Variants in CWC22 observed in about 807,000 individuals in gnomAD.
The protein encoded by CWC22 is pre-mRNA-splicing factor CWC22 homolog.
CWC22 carries 53 observed loss-of-function variants against 117.2 expected under a neutral mutation model. The ratio of observed to expected loss-of-function variants is 0.45; its 90% CI spans 0.36 to 0.57. CWC22 has a LOEUF of 0.57. CWC22 is among the 20% of genes least tolerant of loss of function. CWC22 has a pLI of 0.00. For missense variants in CWC22, 980 were observed against 1,068.8 expected (o/e 0.92, Z 1.16); for synonymous variants, 360 against 355.6 (o/e 1.01, Z -0.14).
intron 1 of CWC22, among the ~76,000 whole-genome samples, chr2:180,006,644 G>T (rs1687984274): frequency 6.6e-6 from 1 of 152,168 alleles, no homozygotes; most frequent in Non-Finnish European, 1.5e-5. Flanking sequence ...TAATCAACTA[G>T]ATCTCATTAA....
intron 6 of CWC22, among the ~76,000 whole-genome samples, chr2:179,974,788 G>A (rs1261810170): frequency 2.6e-5 from 4 of 152,266 alleles, no homozygotes; most frequent in Non-Finnish European, 1.5e-5. Flanking sequence ...GTCTCACTCT[G>A]TCACCCAGGC....
At chr2:179,979,295 C>A (rs1220907549) in intron 5 of CWC22, among the ~76,000 whole-genome samples, 1 of 151,856 alleles carries the variant, frequency 6.6e-6, no homozygotes, top group Non-Finnish European at 1.5e-5. Context: ...CAAGAACTGG[C>A]AGTATGCTTA....
At chr2:179,982,829 T>A (rs1396126601) in intron 4 of CWC22, among the ~76,000 whole-genome samples, 1 of 152,162 alleles carries the variant, frequency 6.6e-6, no homozygotes, top group Admixed American at 6.5e-5. Context: ...CAGAGCAAAG[T>A]TTATCCACTG....
intron 1 of CWC22, among the ~76,000 whole-genome samples, chr2:180,004,559 T>A (rs960989061): frequency 3.9e-5 from 6 of 151,916 alleles, no homozygotes; most frequent in Non-Finnish European, 7.4e-5. Flanking sequence ...ACCCTGCTGA[T>A]TTTTTTTGTA....
chr2:180,000,220 T>C (rs1687811453), intron 1 of CWC22, among the ~76,000 whole-genome samples: 1 of 152,162 alleles, frequency 6.6e-6, no homozygotes. Context: ...CAGCATAGAA[T>C]CACAATTTCA....
In CWC22 at chr2:179,963,052, T is replaced by G. The variant is rs185008915; in HGVS notation, c.1397+1495A>C. On this transcript the variant is annotated intron_variant, in intron 13 of 19. Transcript: ENST00000410053. ...TAGGACTGACACCACTATGTAGTAG[T>G]GGCTATTACTTGTTTTTTAATGCTT... 2.8e-3 allele frequency among the ~76,000 whole-genome samples: 427 copies of G among 152,258 alleles called. 5 individuals are homozygous for G. Among genetic ancestry groups the G allele is most frequent in the African/African-American group, 9.4e-3 (390 of 41,564 alleles).
chr2:179,981,799 G>T lies in CWC22; in HGVS notation c.405C>A (p.Pro135=). 1 of 1,613,846 alleles carries T rather than the reference G, an allele frequency of 6.2e-7. No individual in the cohort carries two copies. Among genetic ancestry groups the T allele is most frequent in the Non-Finnish European group, 8.5e-7 (1 of 1,179,856 alleles). The change falls in exon 5 of 20, where the codon CCC becomes CCA. Residue 135 remains proline, a synonymous_variant. Transcript: ENST00000410053. ...LLTRTGGAYI[P]PAKLRMMQEQ... Reference sequence around the variant, plus strand: ...CCTGCATCATCCTGAGCTTTGCAGGGGGAATATATGCTCCACCAGTGCGAG... The same window carrying T: ...CCTGCATCATCCTGAGCTTTGCAGGTGGAATATATGCTCCACCAGTGCGAG...
At chr2:179,986,916 G>A (rs1234288212) in intron 3 of CWC22, 111 bp from the exon 4 acceptor site, 8 of 534,510 alleles carry the variant, frequency 1.5e-5, no homozygotes, top group African/African-American at 7.8e-5. Flanking sequence ...GAACAACATC[G>A]TGTCAAACTG....
At chr2:179,979,049 T>C (rs1687221196) in intron 5 of CWC22, among the ~76,000 whole-genome samples, 1 of 152,212 alleles carries the variant, frequency 6.6e-6, no homozygotes, top group Non-Finnish European at 1.5e-5. Context: ...TCTACAGTTC[T>C]ATGGGTTTTG....
chr2:179,994,940 C>G (rs112967979), intron 1 of CWC22, among the ~76,000 whole-genome samples: 1 of 152,144 alleles, frequency 6.6e-6, no homozygotes, highest in African/African-American at 2.4e-5. Flanking sequence ...CACAGTGAAA[C>G]CCCGTCTCTA....
chr2:179,989,888 A>G (rs984158897), intron 2 of CWC22, among the ~76,000 whole-genome samples: 5 of 152,176 alleles, frequency 3.3e-5, no homozygotes, highest in African/African-American at 1.2e-4. Flanking sequence ...TAAATCAAAC[A>G]ATGAATAACA....
Position 179,945,628 on chromosome 2 carries a change from T to C in CWC22, c.2228A>G (p.Lys743Arg). 3.1e-6 allele frequency: 5 copies of C among 1,612,968 alleles called. No homozygotes were observed. The highest frequency in any genetic ancestry group is 4.2e-6 in the Non-Finnish European group (5 of 1,179,562). Residue 743 changes from lysine to arginine, a missense_variant, in exon 20 of 20, where the codon AAA becomes AGA. By Grantham distance (26) the Lys-to-Arg change is conservative (BLOSUM62 2). Around this residue, in one of 3 missense-constraint regions of CWC22, gnomAD observed 306 missense variants for 296.8 expected, o/e 1.03. Coordinates refer to ENST00000410053, the MANE Select transcript of CWC22 (RefSeq NM_020943.3). ...GTGTTCTTGTCTTCTTTCTTTTTGTTTCCTATCATTTGTTTGCTGGTTTCT... is the reference window on the plus strand; with the variant it reads ...GTGTTCTTGTCTTCTTTCTTTTTGTCTCCTATCATTTGTTTGCTGGTTTCT... Reference protein sequence around the residue: ...LIRNQQTNDRKQKERRQEHGH... With the variant: ...LIRNQQTNDRRQKERRQEHGH...
chr2:179,955,083 A>C (rs769376647), intron 14 of CWC22, 49 bp from the exon 15 acceptor site: 5 of 1,276,012 alleles, frequency 3.9e-6, no homozygotes, highest in African/African-American at 1.5e-5. Context: ...AAAGAGACTA[A>C]ATATTGTATA....
chr2:179,962,755 C>G (rs1686786583), intron 13 of CWC22, among the ~76,000 whole-genome samples: 1 of 151,902 alleles, frequency 6.6e-6, no homozygotes, highest in African/African-American at 2.4e-5. Flanking sequence ...GCCCTTGATT[C>G]ACATTACGTA....
At chr2:179,970,450 T>TA (rs1408834961) in intron 11 of CWC22, 51 bp downstream of exon 11, 37 of 1,418,852 alleles carry the variant, frequency 2.6e-5, no homozygotes, top group Non-Finnish European at 3.5e-5. Flanking sequence ...CGTAACTACT[T>TA]AAATTGCTTC....
intron 17 of CWC22, among the ~76,000 whole-genome samples, chr2:179,951,578 A>G (rs1374149198): frequency 1.3e-5 from 2 of 152,138 alleles, no homozygotes; most frequent in Admixed American, 6.6e-5. Flanking sequence ...ATAGATCAAT[A>G]AGACAGGAGA....
At chr2:179,963,691 A>G (rs936176078) in intron 13 of CWC22, among the ~76,000 whole-genome samples, 1 of 152,184 alleles carries the variant, frequency 6.6e-6, no homozygotes, top group Admixed American at 6.5e-5. Flanking sequence ...ATAAAGCAAA[A>G]AAATTCCCAA....
rs777906091 is a variant in CWC22 at position 179,982,020 on chromosome 2, A to G, written c.207-23T>C. On this transcript the variant is annotated intron_variant, in intron 4 of 19. Transcript: ENST00000410053. ...TTTCTGTAATATAAATTTTTTGAAG[A>G]GCAGAAAAGACAATATAAAACACAC... The G allele has an allele frequency of 8.5e-6, 11 of 1,291,342 alleles. No individual in the cohort carries two copies. In the South Asian group the frequency reaches 1.4e-4, roughly 17 times the overall value. 80.0% of individuals were successfully genotyped at this position (1,291,342 alleles called of 1,614,324 possible). A position where few individuals can be genotyped will look rare whatever the true frequency, so the allele number is the denominator to read the frequency against.
At chr2:179,951,110 A>G (rs1336590962) in intron 17 of CWC22, among the ~76,000 whole-genome samples, 184 bp from the exon 18 acceptor site, 2 of 152,114 alleles carry the variant, frequency 1.3e-5, no homozygotes, top group East Asian at 3.8e-4. Flanking sequence ...GGGTCAAGTA[A>G]TAATGTACCA....
Sources: allele counts gnomAD v4.1 joint callset (sites outside exome capture counted in the v4.1 genomes callset), GRCh38; gene constraint gnomAD v4.1.1; regional missense constraint gnomAD v4.1.1; transcripts MANE v1.5; gene names NCBI Gene and HGNC (gene_info 2026-07-23, HGNC 2026-07-21).